Variants in GPATCH2 observed in about 807,000 individuals in gnomAD.
GPATCH2 encodes the protein G patch domain-containing protein 2.
A neutral mutation model predicts 58.0 loss-of-function variants in GPATCH2; 51 were observed. The ratio of observed to expected loss-of-function variants is 0.88; its 90% confidence interval spans 0.70 to 1.11. The LOEUF (loss-of-function observed/expected upper bound fraction) is 1.11, where lower values mean the gene tolerates loss of function less well. GPATCH2 is among the 50% of genes most tolerant of loss of function. The probability of loss-of-function intolerance (pLI) is 0.00; values close to 1 mark genes in which losing one functional copy is unlikely to be tolerated. For synonymous variants in GPATCH2, 222 were observed against 218.5 expected, an observed-to-expected ratio of 1.02 and a Z score of -0.14; for missense variants, 625 against 652.2, an observed-to-expected ratio of 0.96 and a Z score of 0.45.
At chr1:217,480,531 T>A (rs1329004559) in intron 8 of GPATCH2, among the ~76,000 whole-genome samples, 1 of 152,194 alleles carries the variant, frequency 6.6e-6, no homozygotes, top group African/African-American at 2.4e-5. Context: ...AACCCTTTAA[T>A]GTTGTTGGCA....
At chr1:217,545,154 C>T (rs183855416) in intron 5 of GPATCH2, among the ~76,000 whole-genome samples, 121 of 152,332 alleles carry the variant, frequency 7.9e-4, no homozygotes, top group African/African-American at 1.5e-3. Flanking sequence ...CCTGGAAGAA[C>T]GGTCAATATA....
intron 1 of GPATCH2, among the ~76,000 whole-genome samples, chr1:217,629,888 C>A (rs1000435492): frequency 4.6e-5 from 7 of 152,106 alleles, no homozygotes; most frequent in African/African-American, 7.2e-5. Context: ...ATAAGGTATT[C>A]TTTTAACTTT....
In GPATCH2 at chr1:217,430,797, C is replaced by G; in HGVS notation, c.*348G>C. Reference sequence around the variant, plus strand: ...TTTTAGAAACTGGTGGGTGTGCTCACGTTTGTCTGGGCATTGCAGCACTGC... The same window carrying G: ...TTTTAGAAACTGGTGGGTGTGCTCAGGTTTGTCTGGGCATTGCAGCACTGC... On this transcript the variant is annotated 3_prime_UTR_variant, in exon 10 of 10. Coordinates refer to ENST00000366935, the MANE Select transcript of GPATCH2 (RefSeq NM_018040.5). The G allele has an allele frequency of 4.0e-6, 1 of 248,626 alleles. No individual in the cohort carries two copies. The highest frequency in any genetic ancestry group is 7.7e-6 in the Non-Finnish European group (1 of 129,130). 15.4% of individuals were successfully genotyped at this position (248,626 alleles called of 1,614,324 possible).
chr1:217,602,386 C>G (rs918116227), intron 5 of GPATCH2, among the ~76,000 whole-genome samples: 2 of 152,182 alleles, frequency 1.3e-5, no homozygotes, highest in African/African-American at 4.8e-5. Context: ...CCCTCCCCAT[C>G]AGTTGGTAAG....
chr1:217,506,146 A>G (rs556827060), intron 6 of GPATCH2, among the ~76,000 whole-genome samples: 1 of 152,358 alleles, frequency 6.6e-6, no homozygotes, highest in Admixed American at 6.5e-5. Flanking sequence ...CTAAAGGCAT[A>G]TACGGTTTCA....
At chr1:217,590,021 C>A (rs1463458815) in intron 5 of GPATCH2, among the ~76,000 whole-genome samples, 1 of 149,236 alleles carries the variant, frequency 6.7e-6, no homozygotes, top group South Asian at 2.1e-4. Context: ...GTCTGTACAA[C>A]GTCTTTTTTT....
At chr1:217,560,262 A>T (rs1417499946) in intron 5 of GPATCH2, among the ~76,000 whole-genome samples, 2 of 152,194 alleles carry the variant, frequency 1.3e-5, no homozygotes, top group African/African-American at 2.4e-5. Context: ...TTGTGAGTGC[A>T]TGCTACTTGT....
chr1:217,609,816 G>A, intron 5 of GPATCH2: 1 of 990,956 alleles, frequency 1.0e-6, no homozygotes, highest in Non-Finnish European at 1.2e-6. Context: ...TTGTCGATCT[G>A]GAAGTTTAAA....
intron 5 of GPATCH2, among the ~76,000 whole-genome samples, chr1:217,520,344 TA>T (rs1663390052): frequency 6.6e-6 from 1 of 152,230 alleles, no homozygotes; most frequent in African/African-American, 2.4e-5. Flanking sequence ...TGTAGAAAAT[TA>T]CTAAGGTTAT....
intron 1 of GPATCH2, among the ~76,000 whole-genome samples, chr1:217,620,728 A>C (rs1273261598): frequency 6.6e-6 from 1 of 152,222 alleles, no homozygotes; most frequent in Admixed American, 6.5e-5. Context: ...AGATAGAATA[A>C]GCTTATGAGC....
chr1:217,578,412 G>C (rs898622840), intron 5 of GPATCH2, among the ~76,000 whole-genome samples: 1 of 151,958 alleles, frequency 6.6e-6, no homozygotes, highest in African/African-American at 2.4e-5. Context: ...CACCAGGCCC[G>C]ACTAATTTTT....
chr1:217,468,515 CCACACACACA>C (rs10524566), intron 8 of GPATCH2, among the ~76,000 whole-genome samples: 14,924 of 142,618 alleles, frequency 0.1, 1,476 homozygotes, highest in African/African-American at 0.27. Context: ...GCACACACAA[CCACACACACA>C]CACACACACA....
intron 5 of GPATCH2, among the ~76,000 whole-genome samples, chr1:217,570,894 G>C (rs12132259): frequency 6.6e-6 from 1 of 151,964 alleles, no homozygotes; most frequent in African/African-American, 2.4e-5. Flanking sequence ...ATTTGCAACA[G>C]TGAAAGTAAA....
chr1:217,566,635 C>T (rs1666251081), intron 5 of GPATCH2, among the ~76,000 whole-genome samples: 2 of 152,164 alleles, frequency 1.3e-5, no homozygotes, highest in Non-Finnish European at 1.5e-5. Context: ...CCTTTGTTTA[C>T]TTTCCTTCAT....
At chr1:217,444,672 T>A (rs1659302357) in intron 9 of GPATCH2, among the ~76,000 whole-genome samples, 1 of 152,210 alleles carries the variant, frequency 6.6e-6, no homozygotes, top group African/African-American at 2.4e-5. Flanking sequence ...AAGAATTGCA[T>A]ATATCCTAGG....
intron 5 of GPATCH2, among the ~76,000 whole-genome samples, chr1:217,551,392 T>C (rs1665353215): frequency 6.6e-6 from 1 of 152,116 alleles, no homozygotes; most frequent in Non-Finnish European, 1.5e-5. Flanking sequence ...AAATGCAAAT[T>C]CTCAAACCCT....
rs1658399034 is a variant in GPATCH2, at chr1:217,428,221, G to A, written c.*2924C>T. The A allele has an allele frequency of 6.6e-6, 1 of 152,078 alleles. No homozygotes were observed. Among genetic ancestry groups the A allele is most frequent in the Admixed American group, 6.5e-5 (1 of 15,274 alleles). The allele number at this position is 152,078 out of a possible 1,614,324, so 9.4% of individuals were successfully genotyped here. On this transcript the variant is annotated 3_prime_UTR_variant, in exon 10 of 10. Coordinates refer to ENST00000366935, the MANE Select transcript of GPATCH2 (RefSeq NM_018040.5). The stretch of plus-strand genomic sequence containing the variant: ...ATTGCAGGTAATTAGGATAGAAAAG[G>A]GAGACCTATGCAGTCTCTAAAATTT...
intron 5 of GPATCH2, among the ~76,000 whole-genome samples, chr1:217,592,809 C>G (rs188575625): frequency 6.6e-6 from 1 of 152,024 alleles, no homozygotes; most frequent in East Asian, 1.9e-4. Flanking sequence ...TGGGTTACTG[C>G]TATCAACAGA....
At chr1:217,570,190 C>A (rs1050007164) in intron 5 of GPATCH2, among the ~76,000 whole-genome samples, 2 of 152,132 alleles carry the variant, frequency 1.3e-5, no homozygotes, top group Non-Finnish European at 2.9e-5. Flanking sequence ...CGGCTGAATG[C>A]AACCTCCGCC....
Sources: allele counts gnomAD v4.1 joint callset (sites outside exome capture counted in the v4.1 genomes callset), GRCh38; gene constraint gnomAD v4.1.1; transcripts MANE v1.5; gene names NCBI Gene and HGNC (gene_info 2026-07-23, HGNC 2026-07-21).